Variants in MICAL3 observed in about 807,000 individuals in gnomAD.
The protein encoded by MICAL3 is [F-actin]-monooxygenase MICAL3.
A neutral mutation model predicts 207.4 loss-of-function variants in MICAL3; 62 were observed. The ratio of observed to expected loss-of-function variants is 0.30; its 90% CI spans 0.24 to 0.37. MICAL3 has a LOEUF of 0.37. Among genes scored for constraint, MICAL3 ranks in the 10% least tolerant of loss-of-function variants. MICAL3 has a pLI of 1.00. For synonymous variants in MICAL3, 1,077 were observed against 1,069.3 expected (o/e 1.01, Z -0.14); for missense variants, 2,368 against 2,635.6 (o/e 0.90, Z 2.22).
intron 29 of MICAL3, among the ~76,000 whole-genome samples, chr22:17,799,817 G>A (rs1360810065): frequency 6.6e-6 from 1 of 152,170 alleles, no homozygotes; most frequent in African/African-American, 2.4e-5. Flanking sequence ...GTGCTACACA[G>A]ACTTAATGCA....
intron 16 of MICAL3, among the ~76,000 whole-genome samples, chr22:17,873,136 GCA>G (rs1338371082): frequency 5.3e-5 from 8 of 152,358 alleles, no homozygotes; most frequent in African/African-American, 1.9e-4. Context: ...TCTGTGGAAT[GCA>G]CAGTTCCAGG....
chr22:17,928,268 C>T (rs1235060343), intron 1 of MICAL3, among the ~76,000 whole-genome samples: 7 of 152,090 alleles, frequency 4.6e-5, no homozygotes, highest in Middle Eastern at 3.4e-3. Context: ...TGAAACCCCG[C>T]CTCTACTAAA....
intron 1 of MICAL3, among the ~76,000 whole-genome samples, chr22:17,993,844 C>T (rs922527366): frequency 2.3e-4 from 35 of 150,004 alleles, no homozygotes; most frequent in African/African-American, 8.2e-4. Context: ...GGTGACCCCC[C>T]AGGACGGAGG....
At chr22:17,972,462 G>C (rs896597926) in intron 1 of MICAL3, among the ~76,000 whole-genome samples, 1 of 152,174 alleles carries the variant, frequency 6.6e-6, no homozygotes, top group African/African-American at 2.4e-5. Context: ...ACAGGTGAAC[G>C]GACGTACGGG....
chr22:17,841,985 T>A lies in MICAL3; in HGVS notation c.2638A>T (p.Ile880Phe). Residue 880 changes from isoleucine (I) to phenylalanine (F), a missense_variant, in exon 20 of 32, where the codon ATC (isoleucine) becomes TTC (phenylalanine). Transcript: ENST00000441493. The surrounding 1 kb of genome is among the most constrained non-coding windows in gnomAD (Gnocchi z 4.2). The stretch of plus-strand genomic sequence containing the variant: ...GGGGTGCCCCTCAGTCGCTTGGCGA[T>A]GCTGGGCTCCTCCAGGCCGTTCACG... ...SGVNGLEEPSIAKRLRGTPER... is the reference protein window; with the variant it reads ...SGVNGLEEPSFAKRLRGTPER... 6.2e-7 allele frequency: 1 copy of A among 1,605,564 alleles called. No homozygotes were observed. Among genetic ancestry groups the A allele is most frequent in the Non-Finnish European group, 8.5e-7 (1 of 1,179,518 alleles).
At chr22:17,934,594 G>T (rs1348484017) in intron 1 of MICAL3, among the ~76,000 whole-genome samples, 2 of 152,162 alleles carry the variant, frequency 1.3e-5, no homozygotes, top group Non-Finnish European at 2.9e-5. Context: ...CACAGTGTTG[G>T]AAGTTCTGGA....
chr22:17,999,646 T>C (rs1385828252), intron 1 of MICAL3, among the ~76,000 whole-genome samples: 3 of 152,330 alleles, frequency 2.0e-5, no homozygotes, highest in East Asian at 3.9e-4. Flanking sequence ...CGGAACAGGA[T>C]CATCCCAGGT....
chr22:17,905,588 T>G (rs1654128115), intron 2 of MICAL3, among the ~76,000 whole-genome samples: 2 of 152,238 alleles, frequency 1.3e-5, no homozygotes, highest in South Asian at 2.1e-4. Flanking sequence ...GATGAATATC[T>G]ACCCAAATGC....
chr22:17,880,181 C>T (rs916631024), intron 16 of MICAL3, among the ~76,000 whole-genome samples: 25 of 152,182 alleles, frequency 1.6e-4, no homozygotes, highest in African/African-American at 5.5e-4. Context: ...AGCGTAGCCC[C>T]GGTCCCACAA....
intron 27 of MICAL3, among the ~76,000 whole-genome samples, chr22:17,815,854 A>T (rs987354787): frequency 9.2e-5 from 14 of 152,384 alleles, no homozygotes; most frequent in African/African-American, 3.1e-4. Context: ...AGGCGCACCA[A>T]GGCCCGCCCT....
rs964238608 is a variant in MICAL3, at chr22:17,900,209, G to A, written c.847+633C>T. ...TTCCCAAGCAAACCAGGGAGCCACC[G>A]GCCAGCAGCTACACCAAGCAGCATG... On this transcript the variant is annotated intron_variant, in intron 6 of 31. Coordinates refer to ENST00000441493, the MANE Select transcript of MICAL3 (RefSeq NM_015241.3). The surrounding 1 kb of genome is among the most constrained non-coding windows in gnomAD (Gnocchi z 4.0). 2.6e-5 allele frequency among the ~76,000 whole-genome samples: 4 copies of A among 152,134 alleles called. No individual in the cohort carries two copies. The highest frequency in any genetic ancestry group is 4.4e-5 in the Non-Finnish European group (3 of 68,030).
At chr22:17,854,559 G>A (rs972202587) in intron 19 of MICAL3, among the ~76,000 whole-genome samples, 4 of 151,978 alleles carry the variant, frequency 2.6e-5, no homozygotes, top group African/African-American at 9.7e-5. Context: ...TCCACAGACA[G>A]GAAATCCATG....
chr22:17,853,347 T>C (rs1925538235), intron 19 of MICAL3, among the ~76,000 whole-genome samples: 1 of 152,192 alleles, frequency 6.6e-6, no homozygotes, highest in African/African-American at 2.4e-5. Context: ...TCACCTCTTC[T>C]GCTTCCCCCA....
rs1439109769 is a variant in MICAL3 at position 17,957,724 on chromosome 22, AAAAG to A, written c.-74-50842_-74-50839del. Among the ~76,000 whole-genome samples, 732 of 144,026 alleles carry A rather than the reference AAAAG, an allele frequency of 5.1e-3. 2 individuals carry two copies. Among genetic ancestry groups the A allele is most frequent in the African/African-American group, 0.018 (665 of 37,016 alleles). The allele number at this position is 144,026 out of a possible 152,430, so 94.5% of individuals were successfully genotyped here. ...AAACTATGTCAAAAAAAAAAAAAAA[AAAAG>A]AGAGAGAAAGAAAACGAGAGAGAGA... On this transcript the variant is annotated intron_variant, in intron 1 of 31. Transcript: ENST00000441493.
chr22:17,871,692 G>A (rs192288019), intron 17 of MICAL3, 145 bp downstream of exon 17: 2 of 675,060 alleles, frequency 3.0e-6, no homozygotes, highest in East Asian at 5.6e-5. Context: ...GTGATGGAGG[G>A]AGAGGGGCAA....
At chr22:17,925,499 T>C (rs1161829859) in intron 1 of MICAL3, among the ~76,000 whole-genome samples, 1 of 152,206 alleles carries the variant, frequency 6.6e-6, no homozygotes, top group African/African-American at 2.4e-5. Flanking sequence ...CAGTCAGTTT[T>C]ACGAGGAATG....
intron 27 of MICAL3, chr22:17,811,088 G>A: frequency 2.6e-6 from 1 of 384,308 alleles, no homozygotes; most frequent in Non-Finnish European, 4.8e-6. Flanking sequence ...CCCCACCTCT[G>A]CACAGGGACA....
At chr22:17,930,260 G>A (rs1933176443) in intron 1 of MICAL3, among the ~76,000 whole-genome samples, 1 of 152,222 alleles carries the variant, frequency 6.6e-6, no homozygotes, top group Non-Finnish European at 1.5e-5. Context: ...GGTTCTTGAA[G>A]CTACATACAC....
At chr22:17,958,336 G>A (rs986336598) in intron 1 of MICAL3, among the ~76,000 whole-genome samples, 1 of 152,192 alleles carries the variant, frequency 6.6e-6, no homozygotes, top group African/African-American at 2.4e-5. Context: ...AACCGTCAGA[G>A]AGACTGAGTT....
Sources: gnomAD v4.1 joint callset for allele counts (sites outside exome capture counted in the v4.1 genomes callset) on GRCh38, gnomAD v4.1.1 for gene constraint, Gnocchi (gnomAD v3.1) non-coding constraint, MANE v1.5 for transcripts, NCBI Gene and HGNC (gene_info 2026-07-23, HGNC 2026-07-21) for gene names.